MTSS1: variants seen among roughly 807,000 people sequenced by gnomAD.
MTSS1 encodes MTSS I-BAR domain containing 1, also known as protein MTSS 1.
A neutral mutation model predicts 79.0 loss-of-function variants in MTSS1; 18 were observed. That is an observed-to-expected ratio of 0.23 (90% CI 0.16 to 0.34). The LOEUF (loss-of-function observed/expected upper bound fraction) is 0.34. Ranked by LOEUF, MTSS1 falls within the 10% of genes least tolerant of loss-of-function variation. The pLI, the probability that MTSS1 is intolerant of heterozygous loss-of-function variation, is 1.00. For synonymous variants in MTSS1, 341 were observed against 368.6 expected (o/e 0.93, Z 0.86); for missense variants, 815 against 986.2 (o/e 0.83, Z 2.33).
At chr8:124,645,790 TG>T (rs1235527632) in intron 3 of MTSS1, among the ~76,000 whole-genome samples, 20 of 152,334 alleles carry the variant, frequency 1.3e-4, no homozygotes, top group African/African-American at 4.8e-4. Context: ...AAGCTGTTAA[TG>T]AAAGTATTTG....
Position 124,670,193 on chromosome 8 carries a change from G to A in MTSS1, c.208+29333C>T, listed in dbSNP as rs1823859171. 3.3e-5 allele frequency among the ~76,000 whole-genome samples: 5 copies of A among 152,252 alleles called. No individual in the cohort carries two copies. In the South Asian group the frequency reaches 1.0e-3, roughly 32 times the overall value. On this transcript the variant is annotated intron_variant, in intron 3 of 13. Transcript: ENST00000518547. ...GAGGAGGATGGGGTATTTTTGCTGG[G>A]CGGTCAGAAAAGGCCCTCCTGAGGT...
intron 3 of MTSS1, among the ~76,000 whole-genome samples, chr8:124,681,520 G>A (rs1338726011): frequency 6.6e-6 from 1 of 152,256 alleles, no homozygotes; most frequent in Non-Finnish European, 1.5e-5. Flanking sequence ...GGGCGCAGTG[G>A]CTCATGCCTG....
chr8:124,723,350 T>C (rs1833221102), intron 1 of MTSS1, among the ~76,000 whole-genome samples: 1 of 152,124 alleles, frequency 6.6e-6, no homozygotes, highest in African/African-American at 2.4e-5. Flanking sequence ...CCAGGCAAAA[T>C]CCAAACTCAG....
In MTSS1 at chr8:124,563,455, G is replaced by A. The variant is rs144010996; in HGVS notation, c.825-463C>T. ...AGCATGACTGGAATGTTCTTGGATG[G>A]ACCATCTGGGTCCACATGACCAAGG... On this transcript the variant is annotated intron_variant, in intron 9 of 13. Transcript: ENST00000518547. 953 of 189,318 alleles carry A rather than the reference G, an allele frequency of 5.0e-3. 11 individuals carry two copies. Among genetic ancestry groups the A allele is most frequent in the South Asian group, 0.021 (232 of 11,140 alleles). 11.7% of individuals were successfully genotyped at this position (189,318 alleles called of 1,614,324 possible).
At chr8:124,591,058 TG>T in intron 4 of MTSS1, 92 bp downstream of exon 4, 1 of 1,039,658 alleles carries the variant, frequency 9.6e-7, no homozygotes, top group African/African-American at 1.6e-5. Context: ...AGACAGATTG[TG>T]GGGATTTAAA....
intron 3 of MTSS1, among the ~76,000 whole-genome samples, chr8:124,593,904 T>C (rs4871512): frequency 0.95 from 144,753 of 152,226 alleles, 68,887 homozygotes; most frequent in East Asian, 1. Context: ...TACACCAAAC[T>C]TATTGGTCTA....
chr8:124,709,786 C>G (rs1007462532), intron 1 of MTSS1, among the ~76,000 whole-genome samples: 32 of 152,210 alleles, frequency 2.1e-4, no homozygotes, highest in Non-Finnish European at 3.5e-4. Flanking sequence ...CCCACACACA[C>G]CACACCCTGT....
At position 124,727,084 on chromosome 8, in the gene MTSS1, A is replaced by ACGCGCG. The variant is rs750880628; in HGVS notation, c.72+794_72+799dup. Among the ~76,000 whole-genome samples the ACGCGCG allele has an allele frequency of 6.6e-6, 1 of 151,662 alleles. No homozygotes were observed. Among genetic ancestry groups the ACGCGCG allele is most frequent in the African/African-American group, 2.4e-5 (1 of 41,286 alleles). Reference sequence around the variant, plus strand: ...AACCAGGGTGTTGTTCCCCGCCCCCACGCGCGCGCGCGCACACACACATGC... The same window carrying ACGCGCG: ...AACCAGGGTGTTGTTCCCCGCCCCCACGCGCGCGCGCGCGCGCGCACACACACATGC... On this transcript the variant is annotated intron_variant, in intron 1 of 13. Coordinates refer to ENST00000518547, the MANE Select transcript of MTSS1 (RefSeq NM_014751.6). This position sits in a 1 kb window ranked among gnomAD's most constrained non-coding sequence, Gnocchi z 4.7.
intron 3 of MTSS1, among the ~76,000 whole-genome samples, chr8:124,666,061 C>G (rs1823014107): frequency 6.6e-6 from 1 of 152,188 alleles, no homozygotes; most frequent in Non-Finnish European, 1.5e-5. Flanking sequence ...CATATTAATA[C>G]AATGTGCTCA....
chr8:124,657,404 A>G (rs1821153851), intron 3 of MTSS1, among the ~76,000 whole-genome samples: 1 of 152,028 alleles, frequency 6.6e-6, no homozygotes, highest in Non-Finnish European at 1.5e-5. Context: ...GTTGAAAATG[A>G]AGCCACAAAA....
At chr8:124,653,653 G>A (rs1820409539) in intron 3 of MTSS1, among the ~76,000 whole-genome samples, 1 of 152,218 alleles carries the variant, frequency 6.6e-6, no homozygotes, top group Non-Finnish European at 1.5e-5. Flanking sequence ...GAACCTGGGA[G>A]GCTGAGGTTG....
intron 3 of MTSS1, among the ~76,000 whole-genome samples, chr8:124,696,032 G>A (rs1244205428): frequency 3.3e-5 from 5 of 151,776 alleles, no homozygotes; most frequent in African/African-American, 1.2e-4. Context: ...CTGTCACCCA[G>A]GCTGGAGTGC....
At chr8:124,614,816 G>T (rs2133372971) in intron 3 of MTSS1, among the ~76,000 whole-genome samples, 1 of 152,318 alleles carries the variant, frequency 6.6e-6, no homozygotes, top group Admixed American at 6.5e-5. Context: ...TTGAAAGAAT[G>T]ACATATTTTA....
At chr8:124,611,113 C>CA (rs975462571) in intron 3 of MTSS1, among the ~76,000 whole-genome samples, 3,273 of 148,698 alleles carry the variant, frequency 0.022, 193 homozygotes, top group East Asian at 0.14. Flanking sequence ...CAGACCCCCC[C>CA]CCCCCAGCAT....
chr8:124,593,663 C>T (rs374898173), intron 3 of MTSS1, among the ~76,000 whole-genome samples: 20 of 152,336 alleles, frequency 1.3e-4, no homozygotes, highest in African/African-American at 4.8e-4. Flanking sequence ...ACTCTGCACA[C>T]TTCAACTCAT....
intron 5 of MTSS1, among the ~76,000 whole-genome samples, chr8:124,588,372 C>T (rs3910089): frequency 0.13 from 20,379 of 152,108 alleles, 1,560 homozygotes; most frequent in African/African-American, 0.2. Context: ...GCCCCCATAG[C>T]GCCTAGCATG....
intron 3 of MTSS1, among the ~76,000 whole-genome samples, chr8:124,612,554 T>C (rs1259283879): frequency 6.7e-6 from 1 of 148,682 alleles, no homozygotes; most frequent in Non-Finnish European, 1.5e-5. Flanking sequence ...AAAACTGAGA[T>C]TTTAAAGACC....
intron 3 of MTSS1, among the ~76,000 whole-genome samples, chr8:124,628,267 C>T (rs776082706): frequency 1.1e-4 from 16 of 152,156 alleles, no homozygotes; most frequent in Non-Finnish European, 1.8e-4. Context: ...GGGTGCTTCC[C>T]ATCCCAGGCT....
At chr8:124,630,306 C>T (rs941591584) in intron 3 of MTSS1, among the ~76,000 whole-genome samples, 5 of 151,744 alleles carry the variant, frequency 3.3e-5, no homozygotes, top group Admixed American at 3.3e-4. Flanking sequence ...TCAACAGAGT[C>T]ACCAACAGGC....
Sources: allele counts gnomAD v4.1 joint callset (sites outside exome capture counted in the v4.1 genomes callset), GRCh38; gene constraint gnomAD v4.1.1; non-coding constraint Gnocchi (gnomAD v3.1); transcripts MANE v1.5; gene names NCBI Gene and HGNC (gene_info 2026-07-23, HGNC 2026-07-21).